Variants in OR9Q1 observed in about 807,000 individuals in gnomAD.
The protein encoded by OR9Q1 is olfactory receptor 9Q1.
For synonymous variants in OR9Q1, 153 were observed against 148.6 expected (o/e 1.03, Z -0.22); for missense variants, 374 against 378.8 (o/e 0.99, Z 0.11).
chr11:58,028,226 T>C (rs74897743), intron 1 of OR9Q1, among the ~76,000 whole-genome samples: 6,092 of 152,260 alleles, frequency 0.04, 126 homozygotes, highest in East Asian at 0.06. Context: ...CTGGGGTAGA[T>C]GCTGGGGGCA....
chr11:58,025,235 G>A (rs1453758266), intron 1 of OR9Q1, among the ~76,000 whole-genome samples: 7 of 152,116 alleles, frequency 4.6e-5, no homozygotes, highest in African/African-American at 1.4e-4. Context: ...GTGCAGTGGC[G>A]CGATCTCAGC....
chr11:58,087,893 ATTCT>A (rs1278000833), intron 2 of OR9Q1, among the ~76,000 whole-genome samples: 2 of 151,838 alleles, frequency 1.3e-5, no homozygotes, highest in Admixed American at 6.6e-5. Flanking sequence ...ACATGAAGTC[ATTCT>A]TTATTTTTTG....
intron 2 of OR9Q1, among the ~76,000 whole-genome samples, chr11:58,172,750 A>G (rs1212628184): frequency 1.3e-5 from 2 of 152,190 alleles, no homozygotes; most frequent in Non-Finnish European, 2.9e-5. Context: ...CAGCCATGCA[A>G]TGCATAATAA....
At position 58,033,057 on chromosome 11, in the gene OR9Q1, A is replaced by T. The variant is rs527880035; in HGVS notation, c.-93+8953A>T. ...AGTGCAAATGAAAACATAATGAGAT[A>T]TCATCTCATGCCAGTTAGAATGGCT... On this transcript the variant is annotated intron_variant, in intron 1 of 2. Transcript: ENST00000335397. Among the ~76,000 whole-genome samples, 6 of 152,364 alleles carry T rather than the reference A, an allele frequency of 3.9e-5. No homozygotes were observed. The South Asian group carries it at 1.2e-3, about 32-fold the overall frequency.
At chr11:58,044,039 T>C (rs1853192323) in intron 1 of OR9Q1, 1 of 152,222 alleles carries the variant, frequency 6.6e-6, no homozygotes, top group Non-Finnish European at 1.5e-5. Flanking sequence ...GGTAATTCTT[T>C]TTAAACATTT....
intron 2 of OR9Q1, among the ~76,000 whole-genome samples, chr11:58,070,410 G>A (rs1853476437): frequency 6.6e-6 from 1 of 152,048 alleles, no homozygotes; most frequent in South Asian, 2.1e-4. Flanking sequence ...GTCCTGGCGT[G>A]TACACCGTGT....
chr11:58,149,605 T>G (rs895569381), intron 2 of OR9Q1, among the ~76,000 whole-genome samples: 3 of 152,152 alleles, frequency 2.0e-5, no homozygotes, highest in Admixed American at 2.0e-4. Context: ...TCTGTACCCA[T>G]TAACTCCCCA....
chr11:58,158,251 T>C (rs1364827287), intron 2 of OR9Q1, among the ~76,000 whole-genome samples: 1 of 152,150 alleles, frequency 6.6e-6, no homozygotes, highest in Non-Finnish European at 1.5e-5. Flanking sequence ...ACATAAGTAG[T>C]CAGTTCAAGT....
chr11:58,107,265 C>T (rs972740219), intron 2 of OR9Q1, among the ~76,000 whole-genome samples: 2 of 152,112 alleles, frequency 1.3e-5, no homozygotes, highest in Non-Finnish European at 2.9e-5. Context: ...CTTCCCCATA[C>T]CCCCACCCAA....
intron 2 of OR9Q1, among the ~76,000 whole-genome samples, chr11:58,133,722 CTT>C (rs979052893): frequency 1.3e-5 from 2 of 152,176 alleles, no homozygotes; most frequent in Non-Finnish European, 2.9e-5. Context: ...AGCAGCAACT[CTT>C]ATTGAATTTC....
At chr11:58,079,112 G>C (rs1853565770) in intron 2 of OR9Q1, among the ~76,000 whole-genome samples, 1 of 152,200 alleles carries the variant, frequency 6.6e-6, no homozygotes, top group African/African-American at 2.4e-5. Flanking sequence ...GAAAACTTCA[G>C]CTTCACAGAG....
chr11:58,059,523 C>T (rs138634909), intron 2 of OR9Q1, among the ~76,000 whole-genome samples: 2,286 of 151,830 alleles, frequency 0.015, 52 homozygotes, highest in African/African-American at 0.052. Flanking sequence ...TGGTGAAACC[C>T]TGTCTCTACT....
intron 2 of OR9Q1, among the ~76,000 whole-genome samples, chr11:58,071,023 A>C (rs1238495576): frequency 6.6e-6 from 1 of 152,096 alleles, no homozygotes; most frequent in Non-Finnish European, 1.5e-5. Context: ...AGCTCCACAG[A>C]CTTTCTGATC....
At chr11:58,036,964 A>C (rs913327898) in intron 1 of OR9Q1, among the ~76,000 whole-genome samples, 3 of 152,198 alleles carry the variant, frequency 2.0e-5, no homozygotes, top group Non-Finnish European at 4.4e-5. Flanking sequence ...AATTGACTTG[A>C]ATTTTAAAAG....
intron 1 of OR9Q1, among the ~76,000 whole-genome samples, chr11:58,042,913 A>C (rs1046368365): frequency 6.6e-6 from 1 of 152,098 alleles, no homozygotes; most frequent in Non-Finnish European, 1.5e-5. Context: ...AAGCAATTGT[A>C]AATGGGAGTT....
intron 2 of OR9Q1, chr11:58,119,443 A>G (rs754012000): frequency 3.8e-6 from 6 of 1,581,132 alleles, no homozygotes; most frequent in Middle Eastern, 1.7e-4. Context: ...ATTCTTGGCC[A>G]TGGAGACAAT....
intron 1 of OR9Q1, chr11:58,031,217 G>T: frequency 6.2e-7 from 1 of 1,614,114 alleles, no homozygotes. Context: ...TGGTTTTATT[G>T]GGGTGGATGG....
intron 1 of OR9Q1, among the ~76,000 whole-genome samples, chr11:58,035,806 T>C (rs1463974015): frequency 6.7e-6 from 1 of 150,230 alleles, no homozygotes; most frequent in Non-Finnish European, 1.5e-5. Context: ...TTCTTTTGGA[T>C]GACAGCAAGA....
chr11:58,119,231 A>C, intron 2 of OR9Q1: 1 of 1,613,962 alleles, frequency 6.2e-7, no homozygotes, highest in Non-Finnish European at 8.5e-7. Flanking sequence ...GAGGTGTAAC[A>C]GGCATCCAGC....
Sources: allele counts gnomAD v4.1 joint callset (sites outside exome capture counted in the v4.1 genomes callset), GRCh38; gene constraint gnomAD v4.1.1; transcripts MANE v1.5; gene names NCBI Gene and HGNC (gene_info 2026-07-23, HGNC 2026-07-21).